Variants in PCDH7 observed in about 807,000 individuals in gnomAD.
PCDH7 encodes protocadherin-7.
Under a neutral mutation model 58.9 loss-of-function variants are expected in PCDH7, and 17 were observed. The observed-to-expected ratio is 0.29, with a 90% CI of 0.20 to 0.43. The LOEUF (loss-of-function observed/expected upper bound fraction) is 0.43. Ranked by LOEUF, PCDH7 falls within the 20% of genes least tolerant of loss-of-function variation. The pLI, the probability that PCDH7 is intolerant of heterozygous loss-of-function variation, is 1.00. For synonymous variants in PCDH7, 664 were observed against 616.4 expected, an observed-to-expected ratio of 1.08 and a Z score of -1.14; for missense variants, 1,274 against 1,441.0, an observed-to-expected ratio of 0.88 and a Z score of 1.88.
intron 1 of PCDH7, among the ~76,000 whole-genome samples, chr4:30,727,495 A>C (rs1031274597): frequency 1.3e-5 from 2 of 151,986 alleles, no homozygotes; most frequent in African/African-American, 4.8e-5. Context: ...ACACTTTAGA[A>C]AAACTCACTG....
At chr4:30,995,903 A>G (rs1057266357) in intron 3 of PCDH7, among the ~76,000 whole-genome samples, 6 of 152,090 alleles carry the variant, frequency 3.9e-5, no homozygotes, top group Non-Finnish European at 4.4e-5. Flanking sequence ...CACCGGGATT[A>G]TCCAGGATAA....
intron 1 of PCDH7, among the ~76,000 whole-genome samples, chr4:30,800,818 T>C (rs1489467654): frequency 6.6e-6 from 1 of 152,178 alleles, no homozygotes; most frequent in African/African-American, 2.4e-5. Flanking sequence ...AGTGACTAGA[T>C]GGGAAGTGGA....
chr4:30,933,033 CTTT>C (rs35077010), intron 2 of PCDH7, among the ~76,000 whole-genome samples: 2 of 147,238 alleles, frequency 1.4e-5, no homozygotes, highest in Non-Finnish European at 1.5e-5. Flanking sequence ...TTCTTTCTTT[CTTT>C]TTTTTTTTTG....
chr4:30,896,816 C>T (rs1739450332), intron 1 of PCDH7, among the ~76,000 whole-genome samples: 1 of 148,964 alleles, frequency 6.7e-6, no homozygotes. Context: ...TTTGCACATA[C>T]ATGGACACCA....
At chr4:30,768,013 ATTGT>A (rs1320931516) in intron 1 of PCDH7, among the ~76,000 whole-genome samples, 2 of 152,172 alleles carry the variant, frequency 1.3e-5, no homozygotes, top group African/African-American at 4.8e-5. Flanking sequence ...GTCTGAAAAC[ATTGT>A]TTAATAATTT....
chr4:31,105,789 C>T (rs368557573), intron 3 of PCDH7, among the ~76,000 whole-genome samples: 4 of 152,074 alleles, frequency 2.6e-5, no homozygotes, highest in South Asian at 2.1e-4. Flanking sequence ...GGGCGGATCA[C>T]GAGGTCAGGA....
downstream of PCDH7, among the ~76,000 whole-genome samples, chr4:30,737,475 G>A (rs1252909934): frequency 6.6e-6 from 1 of 152,030 alleles, no homozygotes; most frequent in African/African-American, 2.4e-5. Context: ...CTGTGTTCAC[G>A]CTGCACTCCA....
chr4:30,900,322 A>G (rs1026457314), intron 1 of PCDH7, among the ~76,000 whole-genome samples: 1 of 152,216 alleles, frequency 6.6e-6, no homozygotes, highest in African/African-American at 2.4e-5. Flanking sequence ...GAAATGGGAA[A>G]GTTCAATTAT....
chr4:31,078,757 T>A (rs1477313094), intron 3 of PCDH7, among the ~76,000 whole-genome samples: 3 of 148,802 alleles, frequency 2.0e-5, no homozygotes, highest in Non-Finnish European at 4.4e-5. Flanking sequence ...GTTGGCAATA[T>A]AAATTTTAAG....
At chr4:31,128,269 T>C (rs1303115759) in intron 3 of PCDH7, among the ~76,000 whole-genome samples, 1 of 152,020 alleles carries the variant, frequency 6.6e-6, no homozygotes, top group Non-Finnish European at 1.5e-5. Flanking sequence ...ATCTCATGGG[T>C]CATGGCGCTC....
At chr4:30,998,796 G>C (rs1266355131) in intron 3 of PCDH7, among the ~76,000 whole-genome samples, 1 of 152,136 alleles carries the variant, frequency 6.6e-6, no homozygotes, top group Non-Finnish European at 1.5e-5. Context: ...GTAGAAAGTG[G>C]AGAGGGACGT....
At chr4:30,755,524 T>C (rs982263312) in intron 1 of PCDH7, among the ~76,000 whole-genome samples, 6 of 152,148 alleles carry the variant, frequency 3.9e-5, no homozygotes, top group South Asian at 2.1e-4. Context: ...CAAATACTTC[T>C]ATAGCCACAA....
At position 30,754,102 on chromosome 4, in the gene PCDH7, A is replaced by G. The variant is rs569736864; in HGVS notation, c.70+29506A>G. ...GGCGGTATGTGATAACTAAATTTTT[A>G]TGAAGCAGGTAGCTTCTTCTTATCT... On this transcript the variant is annotated intron_variant, in intron 1 of 3. Transcript: ENST00000509759. 4.6e-4 allele frequency among the ~76,000 whole-genome samples: 70 copies of G among 152,102 alleles called. 1 individual carries two copies. The highest frequency in any genetic ancestry group is 1.6e-3 in the African/African-American group (66 of 41,478).
At chr4:30,789,330 A>G (rs1211762622) in intron 1 of PCDH7, among the ~76,000 whole-genome samples, 2 of 152,186 alleles carry the variant, frequency 1.3e-5, no homozygotes, top group Non-Finnish European at 2.9e-5. Flanking sequence ...CTTCAAAGGC[A>G]TTTCTGGACT....
At chr4:31,104,116 A>G (rs2109303663) in intron 3 of PCDH7, among the ~76,000 whole-genome samples, 1 of 152,322 alleles carries the variant, frequency 6.6e-6, no homozygotes, top group East Asian at 1.9e-4. Flanking sequence ...CCTATAGCAT[A>G]ATGCTACAGA....
Position 30,907,331 on chromosome 4 carries a change from G to A in PCDH7, c.71-12822G>A, listed in dbSNP as rs1432566493. Among the ~76,000 whole-genome samples the A allele has an allele frequency of 1.3e-5, 2 of 152,158 alleles. 1 individual carries two copies. On this transcript the variant is annotated intron_variant, in intron 1 of 3. Coordinates refer to the PCDH7 transcript ENST00000509759. ...AGAGTGAACAGGCAACCTACAGAAT[G>A]CGAGAAAATTTTTGCAATCTACCCA... is the stretch of plus-strand genomic sequence containing the variant.
At chr4:31,021,836 A>G (rs1754043685) in intron 3 of PCDH7, among the ~76,000 whole-genome samples, 1 of 152,158 alleles carries the variant, frequency 6.6e-6, no homozygotes, top group South Asian at 2.1e-4. Context: ...GCATCTAGTG[A>G]GTTGCTATGA....
intron 1 of PCDH7, among the ~76,000 whole-genome samples, chr4:30,793,632 T>C (rs1268100300): frequency 6.6e-6 from 1 of 152,110 alleles, no homozygotes; most frequent in Non-Finnish European, 1.5e-5. Flanking sequence ...AACATGAGAA[T>C]ACACATATAC....
At chr4:31,058,952 T>G (rs189028784) in intron 3 of PCDH7, among the ~76,000 whole-genome samples, 157 of 152,140 alleles carry the variant, frequency 1.0e-3, no homozygotes, top group Non-Finnish European at 1.8e-3. Context: ...ATCTAAAACC[T>G]ATTGTTCCAT....
Sources: gnomAD v4.1 joint callset for allele counts (sites outside exome capture counted in the v4.1 genomes callset) on GRCh38, gnomAD v4.1.1 for gene constraint, MANE v1.5 for transcripts, NCBI Gene and HGNC (gene_info 2026-07-23, HGNC 2026-07-21) for gene names.